The following TTC21B variants were observed in gnomAD, a reference collection of about 807,000 sequenced individuals.
TTC21B encodes the protein tetratricopeptide repeat domain 21B, also known as tetratricopeptide repeat protein 21B.
TTC21B carries 127 observed loss-of-function variants against 175.1 expected under a neutral mutation model. The ratio of observed to expected loss-of-function variants is 0.73; its 90% CI spans 0.63 to 0.84. The LOEUF is 0.84. Among genes scored for constraint, TTC21B ranks in the 40% least tolerant of loss-of-function variants. The probability of loss-of-function intolerance (pLI) is 0.00; values close to 1 mark genes in which losing one functional copy is unlikely to be tolerated. For missense variants in TTC21B, 1,561 were observed against 1,558.3 expected, an observed-to-expected ratio of 1.00 and a Z score of -0.03; for synonymous variants, 524 against 524.5, an observed-to-expected ratio of 1.00 and a Z score of 0.01.
intron 28 of TTC21B, 148 bp downstream of exon 28, chr2:165,876,017 G>A (rs3764998): frequency 3.7e-5 from 22 of 587,974 alleles, no homozygotes; most frequent in African/African-American, 2.4e-4. Context: ...TCTAAATTTC[G>A]AACACTGATA....
intron 27 of TTC21B, 86 bp downstream of exon 27, chr2:165,880,593 T>A: frequency 6.9e-6 from 10 of 1,459,708 alleles, no homozygotes; most frequent in Non-Finnish European, 9.5e-6. Flanking sequence ...TTATTTTGTT[T>A]TGAAAAAAAT....
In TTC21B at chr2:165,874,938, C is replaced by T. The variant is rs1306304332; in HGVS notation, c.3874-106G>A. On this transcript the variant is annotated intron_variant, in intron 28 of 28. Transcript: ENST00000243344. ...GCATTACAGTTAAGATTTCCTTGTA[C>T]TAATACTACAACAGCTATAACACTT... is the stretch of plus-strand genomic sequence containing the variant. 1.3e-5 allele frequency: 12 copies of T among 945,550 alleles called. No homozygotes were observed. In the Admixed American group the frequency reaches 2.4e-4, roughly 19 times the overall value. The allele number at this position is 945,550 out of a possible 1,614,324, so 58.6% of individuals were successfully genotyped here.
At chr2:165,922,911 A>G (rs772244745) in intron 12 of TTC21B, among the ~76,000 whole-genome samples, 11 of 152,218 alleles carry the variant, frequency 7.2e-5, no homozygotes, top group Non-Finnish European at 1.5e-4. Context: ...AGCTGTAAAA[A>G]AGTAATGAAA....
At chr2:165,881,544 C>A (rs982875784) in intron 26 of TTC21B, among the ~76,000 whole-genome samples, 1 of 151,974 alleles carries the variant, frequency 6.6e-6, no homozygotes. Context: ...ATATTTATCC[C>A]CGAGTTTCTC....
intron 12 of TTC21B, 125 bp from the exon 13 acceptor site, chr2:165,919,558 T>C: frequency 9.8e-7 from 1 of 1,023,518 alleles, no homozygotes; most frequent in Non-Finnish European, 1.5e-6. Context: ...AAGTTTGCTG[T>C]TCATAGGCCA....
intron 19 of TTC21B, among the ~76,000 whole-genome samples, chr2:165,906,254 T>TAAAA (rs1163343694): frequency 2.2e-5 from 1 of 45,280 alleles, no homozygotes; most frequent in Admixed American, 3.0e-4. Context: ...TTCAAGAGGC[T>TAAAA]AAAAAAAAAA....
chr2:165,907,999 C>T (rs1217540551), intron 18 of TTC21B, among the ~76,000 whole-genome samples: 1 of 150,852 alleles, frequency 6.6e-6, no homozygotes, highest in African/African-American at 2.4e-5. Flanking sequence ...AGTTAAAGAA[C>T]GGGTTAACAA....
At chr2:165,900,005 AGAC>A in intron 20 of TTC21B, 125 bp from the exon 21 acceptor site, 1 of 405,706 alleles carries the variant, frequency 2.5e-6, no homozygotes, top group Non-Finnish European at 4.6e-6. Flanking sequence ...CAAGTATAAT[AGAC>A]AAAAAAAAAA....
intron 20 of TTC21B, among the ~76,000 whole-genome samples, chr2:165,901,132 A>G (rs964111736): frequency 2.6e-5 from 4 of 151,650 alleles, no homozygotes; most frequent in African/African-American, 9.7e-5. Flanking sequence ...GAACTTCTGG[A>G]CTCAAGTGAT....
chr2:165,945,015 G>A (rs115206825), intron 4 of TTC21B, among the ~76,000 whole-genome samples: 2 of 152,152 alleles, frequency 1.3e-5, no homozygotes, highest in Non-Finnish European at 2.9e-5. Flanking sequence ...ATAAATGTTA[G>A]CTATTATTTT....
chr2:165,951,561 C>G (rs1157721787), intron 1 of TTC21B, among the ~76,000 whole-genome samples: 2 of 152,194 alleles, frequency 1.3e-5, no homozygotes, highest in East Asian at 1.9e-4. Context: ...TTTGCCCAGT[C>G]TCTCTAAGTC....
At position 165,930,194 on chromosome 2, in the gene TTC21B, C is replaced by G. The variant is rs750424537; in HGVS notation, c.1065G>C (p.Glu355Asp). The G allele has an allele frequency of 1.2e-6, 2 of 1,612,770 alleles. No individual in the cohort carries two copies. Among genetic ancestry groups the G allele is most frequent in the African/African-American group, 2.7e-5 (2 of 74,850 alleles). The change falls in exon 9 of 29, where the codon GAG (glutamate) becomes GAC (aspartate). Residue 355 changes from glutamate (E) to aspartate (D), a missense_variant. Glu to Asp is a conservative substitution (Grantham distance 45, BLOSUM62 2). Coordinates refer to ENST00000243344, the MANE Select transcript of TTC21B (RefSeq NM_024753.5). ...KWYKTAMTLD[E>D]TSVSALVGFI... is the part of the protein sequence containing the mutation. ...TACCAACTAGGGCAGACACACTAGT[C>G]TCATCAAGTGTCATGGCGGTCTTAT...
intron 13 of TTC21B, among the ~76,000 whole-genome samples, chr2:165,917,898 G>C (rs1686237247): frequency 6.6e-6 from 1 of 151,286 alleles, no homozygotes; most frequent in Non-Finnish European, 1.5e-5. Context: ...AAGATTAAAA[G>C]TTTCAGGACA....
At chr2:165,923,742 G>GT (rs1481607335) in intron 12 of TTC21B, among the ~76,000 whole-genome samples, 1 of 86,882 alleles carries the variant, frequency 1.2e-5, no homozygotes, top group African/African-American at 3.7e-5. Context: ...ACGCCCAGCT[G>GT]GTTTTTTTTT....
rs145412117 is a variant in TTC21B at position 165,907,751 on chromosome 2, C to T, written c.2495G>A (p.Arg832His). The T allele has an allele frequency of 1.1e-5, 17 of 1,612,908 alleles. No homozygotes were observed. Among genetic ancestry groups the T allele is most frequent in the East Asian group, 6.7e-5 (3 of 44,768 alleles). The change falls in exon 19 of 29, where the codon CGT becomes CAT. Residue 832 changes from arginine (R) to histidine (H), a missense_variant. Coordinates refer to ENST00000243344, the MANE Select transcript of TTC21B (RefSeq NM_024753.5). Reference protein sequence around the residue: ...NELSALMEDGRCQVLLAKVYS... With the variant: ...NELSALMEDGHCQVLLAKVYS... ...AACTTTTGCTAGAAGAACTTGACAA[C>T]GTCCATCCTCCATGAGAGCTGACAG... is the stretch of plus-strand genomic sequence containing the variant.
chr2:165,900,209 T>C (rs1685511181), intron 20 of TTC21B, among the ~76,000 whole-genome samples: 1 of 152,110 alleles, frequency 6.6e-6, no homozygotes, highest in African/African-American at 2.4e-5. Context: ...CTACCTCCCT[T>C]AACCTGCTTT....
chr2:165,901,890 C>T lies in TTC21B; in HGVS notation c.2589G>A (p.Arg863=). Residue 863 remains arginine (R), a synonymous_variant, in exon 20 of 29, where the codon CGG becomes CGA. Coordinates refer to ENST00000243344, the MANE Select transcript of TTC21B (RefSeq NM_024753.5). ...ALQQARELQA[R]VLKRVQMEQP... ...GTTCCATCTGAACACGTTTTAGTAC[C>T]CGAGCTTGTAATTCTCGAGCCTAGA... is the stretch of plus-strand genomic sequence containing the variant. The T allele has an allele frequency of 6.2e-7, 1 of 1,613,684 alleles. No individual in the cohort carries two copies. The highest frequency in any genetic ancestry group is 1.3e-5 in the African/African-American group (1 of 74,896).
intron 5 of TTC21B, 84 bp from the exon 6 acceptor site, chr2:165,941,268 C>A (rs759502298): frequency 2.8e-6 from 4 of 1,453,996 alleles, no homozygotes; most frequent in Admixed American, 3.4e-5. Flanking sequence ...AGAGTATGAG[C>A]GTTTAATACT....
In TTC21B at chr2:165,893,575, A is replaced by G. The variant is rs570712288; in HGVS notation, c.2951-2587T>C. Among the ~76,000 whole-genome samples, 14 of 152,300 alleles carry G rather than the reference A, an allele frequency of 9.2e-5. No individual in the cohort carries two copies. The East Asian group carries it at 2.5e-3, about 27-fold the overall frequency. ...AGAAATGTATTAAAAACTAAAATGTATATTACCTTCTAAAAAACTTAGCTG... is the reference window on the plus strand; with the variant it reads ...AGAAATGTATTAAAAACTAAAATGTGTATTACCTTCTAAAAAACTTAGCTG... On this transcript the variant is annotated intron_variant, in intron 22 of 28. Coordinates refer to ENST00000243344, the MANE Select transcript of TTC21B (RefSeq NM_024753.5).
Sources: allele counts gnomAD v4.1 joint callset (sites outside exome capture counted in the v4.1 genomes callset), GRCh38; gene constraint gnomAD v4.1.1; transcripts MANE v1.5; gene names NCBI Gene and HGNC (gene_info 2026-07-23, HGNC 2026-07-21).